The following ENTREP2 variants were observed in gnomAD, a reference collection of about 807,000 sequenced individuals.
ENTREP2 encodes the protein protein ENTREP2.
chr15:29,170,669 T>G, the ENTREP2 span, among the ~76,000 whole-genome samples: 2 of 152,146 alleles, frequency 1.3e-5, no homozygotes, highest in African/African-American at 4.8e-5. Context: ...CTCCCACCCC[T>G]GCTGCCCCAC....
chr15:29,125,040 C>CGAG, the ENTREP2 span, among the ~76,000 whole-genome samples: 2 of 152,198 alleles, frequency 1.3e-5, no homozygotes, highest in Non-Finnish European at 2.9e-5. Flanking sequence ...CCCACCCTCA[C>CGAG]CTGAAGGGCT....
At chr15:29,582,664 T>C in the ENTREP2 span, among the ~76,000 whole-genome samples, 165 of 152,246 alleles carry the variant, frequency 1.1e-3, no homozygotes, top group African/African-American at 3.5e-3. Context: ...TTTATTATTT[T>C]TTTTTGAGAT....
the ENTREP2 span, among the ~76,000 whole-genome samples, chr15:29,377,947 C>G: frequency 6.6e-6 from 1 of 151,174 alleles, no homozygotes; most frequent in East Asian, 1.9e-4. Flanking sequence ...TCCCCAGTTT[C>G]TAGAATGGGT....
chr15:29,664,496 C>T, the ENTREP2 span, among the ~76,000 whole-genome samples: 827 of 151,592 alleles, frequency 5.5e-3, 9 homozygotes, highest in African/African-American at 0.019. Flanking sequence ...TGTTCCCTCC[C>T]TGGGCTGGAT....
At chr15:29,312,055 CA>C in the ENTREP2 span, among the ~76,000 whole-genome samples, 7 of 152,134 alleles carry the variant, frequency 4.6e-5, no homozygotes, top group Non-Finnish European at 4.4e-5. Flanking sequence ...TCATGCCTAA[CA>C]AGATAGAAAA....
chr15:29,130,583 T>C, the ENTREP2 span, among the ~76,000 whole-genome samples: 563 of 152,036 alleles, frequency 3.7e-3, 2 homozygotes, highest in Non-Finnish European at 6.6e-3. Flanking sequence ...AGAAAGAAAA[T>C]ATACAGTGGG....
chr15:29,608,552 T>TTA, the ENTREP2 span, among the ~76,000 whole-genome samples: 9 of 94,722 alleles, frequency 9.5e-5, no homozygotes, highest in African/African-American at 2.6e-4. Flanking sequence ...TATTATTATT[T>TTA]ATTTATTATT....
At chr15:29,544,145 T>C in the ENTREP2 span, among the ~76,000 whole-genome samples, 1 of 152,182 alleles carries the variant, frequency 6.6e-6, no homozygotes, top group African/African-American at 2.4e-5. Flanking sequence ...ATTTAATAAT[T>C]TTACAAAATA....
chr15:29,259,522 T>C, the ENTREP2 span, among the ~76,000 whole-genome samples: 1 of 152,066 alleles, frequency 6.6e-6, no homozygotes, highest in Non-Finnish European at 1.5e-5. Flanking sequence ...TGTGGGAGGG[T>C]AGGAGCCTAA....
chr15:29,317,969 A>G, the ENTREP2 span, among the ~76,000 whole-genome samples: 1 of 152,016 alleles, frequency 6.6e-6, no homozygotes, highest in Non-Finnish European at 1.5e-5. Context: ...TGATTTTGAA[A>G]CCTCATGACA....
At chr15:29,160,808 TC>T in the ENTREP2 span, among the ~76,000 whole-genome samples, 1 of 151,942 alleles carries the variant, frequency 6.6e-6, no homozygotes, top group African/African-American at 2.4e-5. Flanking sequence ...GCTAGTTCAT[TC>T]AGTAGTTTTT....
chr15:29,580,770 A>G, the ENTREP2 span, among the ~76,000 whole-genome samples: 1 of 152,210 alleles, frequency 6.6e-6, no homozygotes, highest in Non-Finnish European at 1.5e-5. Flanking sequence ...CAAATATGGT[A>G]TAATAACTGA....
the ENTREP2 span, among the ~76,000 whole-genome samples, chr15:29,248,733 AAAGAAT>A: frequency 2.0e-5 from 3 of 152,192 alleles, no homozygotes; most frequent in Non-Finnish European, 4.4e-5. Context: ...CATGGATTAA[AAAGAAT>A]AACAACTTTC....
chr15:29,580,680 C>A, the ENTREP2 span, among the ~76,000 whole-genome samples: 2 of 152,168 alleles, frequency 1.3e-5, no homozygotes, highest in Non-Finnish European at 2.9e-5. Flanking sequence ...GAGCAGAATA[C>A]AGATATTCAG....
At chr15:29,260,154 T>C in the ENTREP2 span, among the ~76,000 whole-genome samples, 2 of 152,114 alleles carry the variant, frequency 1.3e-5, no homozygotes, top group East Asian at 1.9e-4. Flanking sequence ...CTCTCAAACA[T>C]CTAAGGAATT....
the ENTREP2 span, among the ~76,000 whole-genome samples, chr15:29,332,640 T>A: frequency 6.6e-6 from 1 of 152,008 alleles, no homozygotes; most frequent in Non-Finnish European, 1.5e-5. Context: ...AAACGAAACA[T>A]GTTGCATAAG....
At chr15:29,273,538 G>A in the ENTREP2 span, among the ~76,000 whole-genome samples, 2 of 152,094 alleles carry the variant, frequency 1.3e-5, no homozygotes, top group Non-Finnish European at 2.9e-5. Flanking sequence ...TGATTAATGT[G>A]GAGTGTCAAC....
chr15:29,240,004 T>C, the ENTREP2 span, among the ~76,000 whole-genome samples: 1 of 152,214 alleles, frequency 6.6e-6, no homozygotes, highest in Admixed American at 6.5e-5. Flanking sequence ...ATTGTCAGTA[T>C]AATTCTAGAG....
At chr15:29,551,257 G>A in the ENTREP2 span, among the ~76,000 whole-genome samples, 1 of 152,130 alleles carries the variant, frequency 6.6e-6, no homozygotes, top group Non-Finnish European at 1.5e-5. Context: ...GTGACGTAGT[G>A]GGCACAAGCA....
Sources: allele counts gnomAD v4.1 joint callset (sites outside exome capture counted in the v4.1 genomes callset), GRCh38; gene constraint gnomAD v4.1.1; transcripts MANE v1.5; gene names NCBI Gene and HGNC (gene_info 2026-07-23, HGNC 2026-07-21).